CSMD1: variants seen among roughly 807,000 people sequenced by gnomAD.
CSMD1 encodes CUB and Sushi multiple domains 1.
In CSMD1, 213 loss-of-function variants were observed where a neutral mutation model predicts 417.5. That is an observed-to-expected ratio of 0.51 (90% CI 0.46 to 0.57). The LOEUF (loss-of-function observed/expected upper bound fraction) is 0.57, where lower values mean the gene tolerates loss of function less well. CSMD1 is among the 20% of genes least tolerant of loss of function. The pLI, the probability that CSMD1 is intolerant of heterozygous loss-of-function variation, is 0.00. For synonymous variants in CSMD1, 2,862 were observed against 1,736.8 expected (o/e 1.65, Z -16.11); for missense variants, 6,923 against 4,529.7 (o/e 1.53, Z -15.17).
At chr8:3,977,366 T>C (rs1214096875) in intron 5 of CSMD1, among the ~76,000 whole-genome samples, 1 of 152,194 alleles carries the variant, frequency 6.6e-6, no homozygotes, top group East Asian at 1.9e-4. Context: ...TAGAAGGCAC[T>C]CAATACATTT....
chr8:3,354,723 G>C (rs1447979661), intron 21 of CSMD1, among the ~76,000 whole-genome samples: 1 of 150,950 alleles, frequency 6.6e-6, no homozygotes, highest in Non-Finnish European at 1.5e-5. Flanking sequence ...TTAGAACGTT[G>C]TTTCAATTTT....
chr8:4,835,434 G>A (rs1322644715), intron 1 of CSMD1, among the ~76,000 whole-genome samples: 2 of 152,150 alleles, frequency 1.3e-5, no homozygotes, highest in African/African-American at 2.4e-5. Flanking sequence ...ACAAGAGGTA[G>A]AACTAGTTAT....
chr8:3,053,801 T>C (rs1812032034), intron 49 of CSMD1, among the ~76,000 whole-genome samples: 1 of 152,154 alleles, frequency 6.6e-6, no homozygotes, highest in African/African-American at 2.4e-5. Flanking sequence ...AATAATCACG[T>C]ACCCACTTCA....
At chr8:3,683,161 C>T (rs983630618) in intron 7 of CSMD1, among the ~76,000 whole-genome samples, 5 of 151,514 alleles carry the variant, frequency 3.3e-5, no homozygotes, top group South Asian at 2.1e-4. Flanking sequence ...CAAACCTGCA[C>T]GTTGTGCACT....
intron 1 of CSMD1, among the ~76,000 whole-genome samples, chr8:4,733,724 T>C (rs921757319): frequency 6.6e-6 from 1 of 152,214 alleles, no homozygotes; most frequent in African/African-American, 2.4e-5. Flanking sequence ...CAAAGAAGTA[T>C]GTAGGAACCC....
chr8:3,611,482 T>C (rs1392815888), intron 8 of CSMD1, among the ~76,000 whole-genome samples: 1 of 152,100 alleles, frequency 6.6e-6, no homozygotes, highest in East Asian at 1.9e-4. Context: ...GATTGGAGTA[T>C]CTCTCACTTA....
intron 1 of CSMD1, among the ~76,000 whole-genome samples, chr8:4,834,452 C>T (rs1800338559): frequency 6.6e-6 from 1 of 152,094 alleles, no homozygotes; most frequent in Non-Finnish European, 1.5e-5. Context: ...TGGGCACATG[C>T]CCATGTATTC....
At chr8:3,641,377 C>T (rs766536660) in intron 7 of CSMD1, among the ~76,000 whole-genome samples, 4 of 152,210 alleles carry the variant, frequency 2.6e-5, no homozygotes, top group East Asian at 1.9e-4. Context: ...CCTTCGCTAA[C>T]GTCAGACTGA....
intron 2 of CSMD1, among the ~76,000 whole-genome samples, chr8:4,497,567 T>A (rs537791711): frequency 6.6e-6 from 1 of 152,150 alleles, no homozygotes; most frequent in Admixed American, 6.5e-5. Context: ...GAAAGACGGA[T>A]GAGTGGAGTA....
intron 5 of CSMD1, among the ~76,000 whole-genome samples, chr8:3,985,994 C>G: frequency 6.6e-6 from 1 of 151,924 alleles, no homozygotes; most frequent in East Asian, 1.9e-4. Context: ...CCATTTAAGC[C>G]AGGCCCCACC....
chr8:4,442,244 T>C (rs1798525372), intron 2 of CSMD1, among the ~76,000 whole-genome samples: 1 of 152,154 alleles, frequency 6.6e-6, no homozygotes, highest in Non-Finnish European at 1.5e-5. Context: ...TGATGGCTGT[T>C]TATTAATCTT....
At chr8:4,475,935 T>G (rs1426539234) in intron 2 of CSMD1, among the ~76,000 whole-genome samples, 1 of 152,128 alleles carries the variant, frequency 6.6e-6, no homozygotes, top group African/African-American at 2.4e-5. Context: ...TTTGTTGGTG[T>G]TATTGCTGTT....
chr8:3,335,110 GGT>G (rs2117563345), intron 23 of CSMD1, among the ~76,000 whole-genome samples: 1 of 152,270 alleles, frequency 6.6e-6, no homozygotes, highest in South Asian at 2.1e-4. Flanking sequence ...GGACCCTGGA[GGT>G]GCCTGCAGTC....
chr8:4,873,041 C>A (rs150705698), intron 1 of CSMD1, among the ~76,000 whole-genome samples: 2 of 152,096 alleles, frequency 1.3e-5, no homozygotes, highest in East Asian at 1.9e-4. Flanking sequence ...TACCACAAAT[C>A]GTATATATTT....
intron 5 of CSMD1, among the ~76,000 whole-genome samples, chr8:3,825,349 G>C (rs1033465193): frequency 3.3e-5 from 5 of 152,166 alleles, no homozygotes; most frequent in Non-Finnish European, 5.9e-5. Context: ...GGCCAACATG[G>C]TGAAACCTTG....
At chr8:4,290,334 C>T (rs368512537) in intron 3 of CSMD1, among the ~76,000 whole-genome samples, 40 of 152,274 alleles carry the variant, frequency 2.6e-4, no homozygotes, top group African/African-American at 9.4e-4. Context: ...TGAATTTCTA[C>T]ACAGTAATGC....
chr8:3,899,756 A>G (rs1807606359), intron 5 of CSMD1, among the ~76,000 whole-genome samples: 1 of 152,168 alleles, frequency 6.6e-6, no homozygotes, highest in African/African-American at 2.4e-5. Context: ...GGGCTGTATG[A>G]CCAGCTTTCA....
intron 5 of CSMD1, among the ~76,000 whole-genome samples, chr8:3,888,005 G>T (rs986802195): frequency 6.6e-6 from 1 of 152,164 alleles, no homozygotes; most frequent in East Asian, 1.9e-4. Context: ...TATTAAAGGA[G>T]TCCAACTTCT....
chr8:4,050,397 T>C (rs1184699962), intron 3 of CSMD1, among the ~76,000 whole-genome samples: 2 of 152,118 alleles, frequency 1.3e-5, no homozygotes, highest in Non-Finnish European at 2.9e-5. Context: ...TAATTTTTAA[T>C]TTTTAAAATT....
Sources: allele counts gnomAD v4.1 joint callset (sites outside exome capture counted in the v4.1 genomes callset), GRCh38; gene constraint gnomAD v4.1.1; transcripts MANE v1.5; gene names NCBI Gene and HGNC (gene_info 2026-07-23, HGNC 2026-07-21).